The following CCDC91 variants were observed in gnomAD, a reference collection of about 807,000 sequenced individuals.
CCDC91 encodes the protein coiled-coil domain-containing protein 91.
CCDC91 carries 48 observed loss-of-function variants against 63.2 expected under a neutral mutation model. That is an observed-to-expected ratio of 0.76 (90% CI 0.60 to 0.97). The LOEUF (loss-of-function observed/expected upper bound fraction) is 0.97, where lower values mean the gene tolerates loss of function less well. CCDC91 is among the 50% of genes least tolerant of loss of function. The pLI is 0.00. For synonymous variants in CCDC91, 167 were observed against 165.8 expected, an observed-to-expected ratio of 1.01 and a Z score of -0.06; for missense variants, 500 against 494.6, an observed-to-expected ratio of 1.01 and a Z score of -0.10.
At chr12:28,300,597 T>C (rs1937960952) in intron 3 of CCDC91, among the ~76,000 whole-genome samples, 1 of 151,546 alleles carries the variant, frequency 6.6e-6, no homozygotes, top group African/African-American at 2.4e-5. Context: ...GGTTGTTCTG[T>C]TCTCTCAAGC....
chr12:28,304,388 AAAAAAAAAAAAAAGAAAAAAAAAAAAAG>A (rs1338039156), intron 3 of CCDC91, among the ~76,000 whole-genome samples: 1 of 35,906 alleles, frequency 2.8e-5, no homozygotes, highest in Non-Finnish European at 7.4e-5. Context: ...AAAAAAAAAA[AAAAAAAAAAAAAAGAAAAAAAAAAAAAG>A]AAAAAAAGAA....
chr12:28,400,354 A>G (rs1352185283), intron 8 of CCDC91, among the ~76,000 whole-genome samples: 1 of 45,576 alleles, frequency 2.2e-5, no homozygotes, highest in African/African-American at 8.0e-5. Flanking sequence ...CCCCACCCCC[A>G]CCCCCACCCT....
intron 6 of CCDC91, among the ~76,000 whole-genome samples, chr12:28,320,157 T>G (rs1940335477): frequency 2.0e-5 from 3 of 151,982 alleles, no homozygotes; most frequent in Admixed American, 2.0e-4. Flanking sequence ...AAGAACCCTT[T>G]AACATGGTCT....
At chr12:28,453,283 T>TA (rs1555217125) in intron 11 of CCDC91, among the ~76,000 whole-genome samples, 1 of 151,750 alleles carries the variant, frequency 6.6e-6, no homozygotes, top group African/African-American at 2.4e-5. Context: ...ATTAGTCTTT[T>TA]TATATATATA....
rs34252213 is a variant in CCDC91, at chr12:28,201,192, CG to C, written c.-15+10555del. ...GCGGAGACGCTCCTCACTTCCCAGA[CG>C]GGGTGACTGCTGGGCGGAGGGGCTC... On this transcript the variant is annotated intron_variant, in intron 1 of 12. Transcript: ENST00000536442. Among the ~76,000 whole-genome samples, 776 of 151,024 alleles carry C rather than the reference CG, an allele frequency of 5.1e-3. 1 individual carries two copies. The highest frequency in any genetic ancestry group is 8.6e-3 in the Non-Finnish European group (579 of 67,550).
intron 7 of CCDC91, 92 bp from the exon 8 acceptor site, chr12:28,391,212 A>G (rs1945920937): frequency 8.9e-6 from 6 of 672,134 alleles, no homozygotes; most frequent in South Asian, 1.9e-5. Context: ...ATATCGTATT[A>G]CAGTATGTAC....
intron 8 of CCDC91, among the ~76,000 whole-genome samples, chr12:28,439,385 T>C (rs1381143999): frequency 1.3e-5 from 2 of 152,170 alleles, no homozygotes; most frequent in African/African-American, 4.8e-5. Context: ...TTAGTGTCTT[T>C]TAAGTCATGT....
At chr12:28,472,290 A>G (rs1337198331) in intron 11 of CCDC91, among the ~76,000 whole-genome samples, 3 of 152,236 alleles carry the variant, frequency 2.0e-5, no homozygotes, top group East Asian at 3.8e-4. Flanking sequence ...AGAACCGCAC[A>G]GCTGAACCCC....
chr12:28,412,799 C>T (rs1259756813), intron 8 of CCDC91: 1 of 453,614 alleles, frequency 2.2e-6, no homozygotes, highest in Non-Finnish European at 4.4e-6. Context: ...CTTTTAGAAT[C>T]CTGCTGATTG....
chr12:28,239,094 T>C (rs1051603360), intron 1 of CCDC91, among the ~76,000 whole-genome samples: 5 of 150,048 alleles, frequency 3.3e-5, no homozygotes, highest in African/African-American at 1.2e-4. Flanking sequence ...CACTCCAGCC[T>C]GGGTGACAGA....
chr12:28,429,218 A>G (rs1215874325), intron 8 of CCDC91, among the ~76,000 whole-genome samples: 1 of 152,174 alleles, frequency 6.6e-6, no homozygotes, highest in African/African-American at 2.4e-5. Context: ...CACAATTTTT[A>G]GGTGACCACT....
rs34345141 is a variant in CCDC91 at position 28,389,305 on chromosome 12, TA to T, written c.655-1990del. 4.0e-5 allele frequency among the ~76,000 whole-genome samples: 6 copies of T among 151,792 alleles called. No individual in the cohort carries two copies. In the South Asian group the frequency reaches 8.3e-4, roughly 21 times the overall value. On this transcript the variant is annotated intron_variant, in intron 7 of 12. Coordinates refer to ENST00000536442, the MANE Select transcript of CCDC91 (RefSeq NM_018318.5). ...GACTGGGCGCAATGTGGAAGACTTT[TA>T]AAAAAAAATCCTTATATACCTACCT...
chr12:28,267,920 T>TATTATA (rs374382700), intron 3 of CCDC91, among the ~76,000 whole-genome samples: 2 of 67,322 alleles, frequency 3.0e-5, no homozygotes, highest in East Asian at 2.6e-4. Context: ...TATATAATTA[T>TATTATA]TATAATTATA....
At chr12:28,250,198 T>C (rs186032689) in intron 1 of CCDC91, among the ~76,000 whole-genome samples, 7 of 152,250 alleles carry the variant, frequency 4.6e-5, no homozygotes, top group African/African-American at 1.7e-4. Flanking sequence ...TGTTGTTACT[T>C]TTTGGGATGT....
At chr12:28,246,085 A>G (rs1017049664) in intron 1 of CCDC91, among the ~76,000 whole-genome samples, 1 of 152,198 alleles carries the variant, frequency 6.6e-6, no homozygotes, top group African/African-American at 2.4e-5. Flanking sequence ...AATGAATAAT[A>G]GCCATAATAA....
chr12:28,450,189 C>A lies in CCDC91; in HGVS notation c.791C>A (p.Thr264Lys), dbSNP rs201390676. 4.2e-4 allele frequency: 683 copies of A among 1,607,738 alleles called. No individual in the cohort carries two copies. Among genetic ancestry groups the A allele is most frequent in the Non-Finnish European group, 5.4e-4 (632 of 1,176,658 alleles). Residue 264 changes from threonine (T) to lysine (K), a missense_variant, in exon 9 of 13, where the codon ACA becomes AAA. Physicochemically the swap from Thr to Lys is moderately conservative, Grantham distance 78. Transcript: ENST00000536442. ...QHQRLLEMLD[T>K]EKELLKEKIK... ...CAGAGGCTCCTTGAAATGCTAGATACAGAGAAGGAACTGTTAAAAGAAAAA... is the reference window on the plus strand; with the variant it reads ...CAGAGGCTCCTTGAAATGCTAGATAAAGAGAAGGAACTGTTAAAAGAAAAA...
intron 7 of CCDC91, among the ~76,000 whole-genome samples, chr12:28,386,517 C>T (rs1211403751): frequency 7.2e-5 from 11 of 151,988 alleles, no homozygotes; most frequent in African/African-American, 2.7e-4. Flanking sequence ...TACAGGTGCA[C>T]TCCACGATGC....
intron 8 of CCDC91, among the ~76,000 whole-genome samples, chr12:28,443,508 A>G (rs1169373053): frequency 2.0e-5 from 3 of 152,056 alleles, no homozygotes; most frequent in South Asian, 2.1e-4. Flanking sequence ...TGTTTATTCT[A>G]TAAATACACT....
chr12:28,441,077 A>AG lies in CCDC91; in HGVS notation c.763-9084_763-9083insG, dbSNP rs1565977542. ...CATCTCAAAAAAAAAAAAAAAAAAA[A>AG]AAAAAAAGAAAAGAAAAAGAAAGAA... On this transcript the variant is annotated intron_variant, in intron 8 of 12. Coordinates refer to ENST00000536442, the MANE Select transcript of CCDC91 (RefSeq NM_018318.5). Among the ~76,000 whole-genome samples, 51 of 21,150 alleles carry AG rather than the reference A, an allele frequency of 2.4e-3. 1 individual carries two copies. Among genetic ancestry groups the AG allele is most frequent in the Non-Finnish European group, 1.9e-3 (17 of 9,134 alleles). 13.9% of individuals were successfully genotyped at this position (21,150 alleles called of 152,430 possible).
Sources: gnomAD v4.1 joint callset for allele counts (sites outside exome capture counted in the v4.1 genomes callset) on GRCh38, gnomAD v4.1.1 for gene constraint, MANE v1.5 for transcripts, NCBI Gene and HGNC (gene_info 2026-07-23, HGNC 2026-07-21) for gene names.